Variants in EPHA6 observed in about 807,000 individuals in gnomAD.
EPHA6 encodes the protein EPH receptor A6.
Under a neutral mutation model 112.0 loss-of-function variants are expected in EPHA6, and 50 were observed. The observed-to-expected ratio is 0.45, with a 90% CI of 0.36 to 0.56. The LOEUF (loss-of-function observed/expected upper bound fraction) is 0.56, where lower values mean the gene tolerates loss of function less well. EPHA6 is among the 20% of genes least tolerant of loss of function. The pLI is 0.00. For missense variants in EPHA6, 1,280 were observed against 1,417.4 expected, an observed-to-expected ratio of 0.90 and a Z score of 1.56; for synonymous variants, 529 against 490.7, an observed-to-expected ratio of 1.08 and a Z score of -1.03.
chr3:97,420,335 G>A (rs1697398879), intron 6 of EPHA6, among the ~76,000 whole-genome samples: 1 of 149,886 alleles, frequency 6.7e-6, no homozygotes, highest in South Asian at 2.1e-4. Flanking sequence ...AAAGAAACAA[G>A]AAACTAAAAA....
intron 4 of EPHA6, among the ~76,000 whole-genome samples, chr3:97,237,305 A>G (rs1348022714): frequency 5.9e-5 from 9 of 152,002 alleles, no homozygotes; most frequent in Non-Finnish European, 1.2e-4. Flanking sequence ...CCCTTACACT[A>G]CTGAATAGAC....
intron 3 of EPHA6, among the ~76,000 whole-genome samples, chr3:97,195,356 C>A (rs1243966404): frequency 6.6e-6 from 1 of 151,524 alleles, no homozygotes; most frequent in Non-Finnish European, 1.5e-5. Flanking sequence ...AGCAAACAAG[C>A]AAAGAGAAGA....
chr3:97,409,779 T>C (rs2087590290), intron 6 of EPHA6, among the ~76,000 whole-genome samples: 1 of 152,082 alleles, frequency 6.6e-6, no homozygotes, highest in South Asian at 2.1e-4. Flanking sequence ...TTAAAGTCTT[T>C]TTCTCAAAGT....
At chr3:97,186,940 C>G (rs935139921) in intron 3 of EPHA6, among the ~76,000 whole-genome samples, 1 of 152,178 alleles carries the variant, frequency 6.6e-6, no homozygotes, top group Non-Finnish European at 1.5e-5. Context: ...ATTTTTCCAG[C>G]TCTAATAATT....
intron 1 of EPHA6, among the ~76,000 whole-genome samples, chr3:96,860,657 C>G (rs1000688221): frequency 2.0e-5 from 3 of 152,006 alleles, no homozygotes; most frequent in African/African-American, 7.2e-5. Context: ...CAATGGGGAA[C>G]ATGTTCAATG....
At chr3:97,745,642 C>T (rs1453577234) in intron 16 of EPHA6, 1 of 171,646 alleles carries the variant, frequency 5.8e-6, no homozygotes, top group Non-Finnish European at 1.2e-5. Flanking sequence ...TTCACCCCAC[C>T]TCCACCTTCA....
intron 3 of EPHA6, among the ~76,000 whole-genome samples, chr3:97,021,337 A>C (rs1269635361): frequency 6.6e-6 from 1 of 152,160 alleles, no homozygotes; most frequent in Non-Finnish European, 1.5e-5. Flanking sequence ...TTCTCCTTCC[A>C]GGATCTAGCC....
At position 96,890,147 on chromosome 3, in the gene EPHA6, C is replaced by T. The variant is rs190701123; in HGVS notation, c.450+23258C>T. On this transcript the variant is annotated intron_variant, in intron 2 of 17. Transcript: ENST00000389672. ...AAAAAAAAAAACATAAAAATATAAA[C>T]GATATTACATATTGAACTACATTAA... 2.1e-4 allele frequency among the ~76,000 whole-genome samples: 32 copies of T among 150,854 alleles called. No individual in the cohort carries two copies. In the East Asian group the frequency reaches 5.7e-3, roughly 27 times the overall value.
At chr3:97,728,515 T>C (rs1576363644) in intron 15 of EPHA6, among the ~76,000 whole-genome samples, 1 of 152,108 alleles carries the variant, frequency 6.6e-6, no homozygotes, top group Non-Finnish European at 1.5e-5. Context: ...ATCTAAGCAC[T>C]TGGAACTCTG....
chr3:97,324,429 CTTTCT>C (rs2082286541), intron 5 of EPHA6, among the ~76,000 whole-genome samples: 1 of 145,366 alleles, frequency 6.9e-6, no homozygotes, highest in Non-Finnish European at 1.5e-5. Context: ...TTCTTTCTTT[CTTTCT>C]TTCTTTCTTT....
intron 2 of EPHA6, among the ~76,000 whole-genome samples, chr3:96,906,432 C>T (rs527550625): frequency 2.1e-4 from 32 of 152,166 alleles, no homozygotes; most frequent in African/African-American, 7.2e-4. Flanking sequence ...TGCTCTAACA[C>T]CTACTCCGCA....
At chr3:97,122,593 T>C (rs2048071453) in intron 3 of EPHA6, among the ~76,000 whole-genome samples, 1 of 152,024 alleles carries the variant, frequency 6.6e-6, no homozygotes, top group Non-Finnish European at 1.5e-5. Flanking sequence ...GGAACTTGAG[T>C]GATTCATTCC....
intron 3 of EPHA6, among the ~76,000 whole-genome samples, chr3:97,045,095 G>T (rs2045458541): frequency 6.6e-6 from 1 of 152,006 alleles, no homozygotes; most frequent in African/African-American, 2.4e-5. Context: ...AACTTAGTCT[G>T]TAGTTAAATA....
At chr3:97,528,415 A>T (rs1464819155) in intron 10 of EPHA6, among the ~76,000 whole-genome samples, 1 of 152,142 alleles carries the variant, frequency 6.6e-6, no homozygotes, top group African/African-American at 2.4e-5. Flanking sequence ...ATCACTAATA[A>T]GGAGCCATAC....
chr3:97,285,525 G>A (rs2080434903), intron 5 of EPHA6, among the ~76,000 whole-genome samples: 1 of 151,934 alleles, frequency 6.6e-6, no homozygotes, highest in Non-Finnish European at 1.5e-5. Context: ...ACCATCATTT[G>A]TATTGATATT....
At chr3:97,224,077 T>G (rs942020638) in intron 3 of EPHA6, among the ~76,000 whole-genome samples, 1 of 152,156 alleles carries the variant, frequency 6.6e-6, no homozygotes, top group Non-Finnish European at 1.5e-5. Flanking sequence ...TTTCAATGGT[T>G]GATTTAATGT....
At chr3:96,877,658 T>G (rs2037050992) in intron 2 of EPHA6, among the ~76,000 whole-genome samples, 1 of 141,238 alleles carries the variant, frequency 7.1e-6, no homozygotes, top group Admixed American at 8.2e-5. Context: ...GTTAAATAGG[T>G]TTTTGTAATC....
intron 7 of EPHA6, among the ~76,000 whole-genome samples, chr3:97,467,385 G>A (rs763084091): frequency 8.6e-5 from 13 of 151,570 alleles, no homozygotes; most frequent in South Asian, 2.1e-4. Context: ...GATCCCTAAT[G>A]ATTATCCATT....
chr3:96,978,553 A>T (rs2042624345), intron 2 of EPHA6, among the ~76,000 whole-genome samples: 2 of 152,250 alleles, frequency 1.3e-5, no homozygotes, highest in South Asian at 4.1e-4. Context: ...TTTGTATATC[A>T]ATATATATTA....
Sources: gnomAD v4.1 joint callset for allele counts (sites outside exome capture counted in the v4.1 genomes callset) on GRCh38, gnomAD v4.1.1 for gene constraint, MANE v1.5 for transcripts, NCBI Gene and HGNC (gene_info 2026-07-23, HGNC 2026-07-21) for gene names.